The following HELQ variants were observed in gnomAD, a reference collection of about 807,000 sequenced individuals.
HELQ encodes the protein helicase POLQ-like.
A neutral mutation model predicts 111.6 loss-of-function variants in HELQ; 77 were observed. The observed-to-expected ratio is 0.69, with a 90% CI of 0.57 to 0.83. The LOEUF (loss-of-function observed/expected upper bound fraction) is 0.83. HELQ is among the 40% of genes least tolerant of loss of function. The pLI is 0.00. For missense variants in HELQ, 1,200 were observed against 1,288.5 expected, an observed-to-expected ratio of 0.93 and a Z score of 1.05; for synonymous variants, 438 against 454.7, an observed-to-expected ratio of 0.96 and a Z score of 0.47.
At chr4:83,452,653 C>T (rs867402838) in intron 2 of HELQ, among the ~76,000 whole-genome samples, 5 of 152,006 alleles carry the variant, frequency 3.3e-5, no homozygotes, top group African/African-American at 7.3e-5. Context: ...ACTAGACAAT[C>T]GGGGTCAAAA....
chr4:83,441,462 T>C (rs1720751627), intron 6 of HELQ, 59 bp from the exon 7 acceptor site: 3 of 784,994 alleles, frequency 3.8e-6, no homozygotes, highest in Non-Finnish European at 4.2e-6. Context: ...TTCCAGTGTT[T>C]TAAATATTGT....
At chr4:83,442,688 G>A (rs561251201) in intron 6 of HELQ, among the ~76,000 whole-genome samples, 3 of 152,030 alleles carry the variant, frequency 2.0e-5, no homozygotes, top group East Asian at 1.9e-4. Flanking sequence ...TGGGATTACA[G>A]GTGTGAGCCA....
chr4:83,421,047 G>A (rs922400767), intron 15 of HELQ, among the ~76,000 whole-genome samples: 1 of 152,178 alleles, frequency 6.6e-6, no homozygotes, highest in East Asian at 1.9e-4. Context: ...CTGGGCTCAA[G>A]TGATCCACCT....
At chr4:83,407,644 T>A (rs1738864899) in intron 17 of HELQ, 84 bp from the exon 18 acceptor site, 1 of 784,718 alleles carries the variant, frequency 1.3e-6, no homozygotes, top group Non-Finnish European at 2.2e-6. Context: ...ATTGAACACC[T>A]GAATCCTTAC....
At chr4:83,425,624 C>G (rs1243111711) in intron 14 of HELQ, among the ~76,000 whole-genome samples, 2 of 151,996 alleles carry the variant, frequency 1.3e-5, no homozygotes, top group African/African-American at 4.8e-5. Flanking sequence ...AAAGCAGTAA[C>G]AAAAAACCCA....
intron 17 of HELQ, 129 bp downstream of exon 17, chr4:83,416,602 A>G: frequency 1.1e-6 from 1 of 915,498 alleles, no homozygotes; most frequent in South Asian, 1.8e-5. Context: ...CACAAATAAG[A>G]GTATGTACTT....
Position 83,418,086 on chromosome 4 carries a change from T to C in HELQ, c.3063+7A>G. 2 of 1,464,348 alleles carry C rather than the reference T, an allele frequency of 1.4e-6. No homozygotes were observed. The highest frequency in any genetic ancestry group is 1.8e-5 in the Admixed American group (1 of 54,202). 90.7% of individuals were successfully genotyped at this position (1,464,348 alleles called of 1,614,324 possible). A position where few individuals can be genotyped will look rare whatever the true frequency, so the allele number is the denominator to read the frequency against. On this transcript the variant is annotated splice_region_variant and intron_variant, in intron 16 of 17. Transcript: ENST00000295488. ...AATTTCAATTGGGAAACCAACAAGC[T>C]ACTGACCTCTAAAACTCCAGTAACT...
chr4:83,426,765 C>T (rs1325263312), intron 13 of HELQ, among the ~76,000 whole-genome samples: 4 of 152,142 alleles, frequency 2.6e-5, no homozygotes, highest in East Asian at 1.9e-4. Flanking sequence ...GGGGTTTCAC[C>T]GTGTTGCCCA....
chr4:83,439,983 T>A lies in HELQ; in HGVS notation c.1688A>T (p.Asp563Val). 6.2e-7 allele frequency: 1 copy of A among 1,611,980 alleles called. No homozygotes were observed. The highest frequency in any genetic ancestry group is 1.7e-5 in the Admixed American group (1 of 59,816). The change falls in exon 8 of 18, where the codon GAT becomes GTT. Residue 563 changes from aspartate to valine, a missense_variant. Physicochemically the swap from Asp to Val is radical, Grantham distance 152. Transcript: ENST00000295488. Reference sequence around the variant, plus strand: ...CACCAATGCTACCAAGTGATCAGGATCCATCTTTTTTAGGGTATCAGAATA... The same window carrying A: ...CACCAATGCTACCAAGTGATCAGGAACCATCTTTTTTAGGGTATCAGAATA... ...YKYSDTLKKM[D>V]PDHLVALVTE...
At chr4:83,450,222 TAAAAAAAAAAAAAAAAA>T (rs71668650) in intron 2 of HELQ, among the ~76,000 whole-genome samples, 12 of 45,610 alleles carry the variant, frequency 2.6e-4, no homozygotes, top group South Asian at 1.8e-3. Flanking sequence ...CAGTTAAGTT[TAAAAAAAAAAAAAAAAA>T]AAAAAAAAAA....
chr4:83,417,540 G>C (rs1739430764), intron 16 of HELQ, among the ~76,000 whole-genome samples: 1 of 152,038 alleles, frequency 6.6e-6, no homozygotes, highest in African/African-American at 2.4e-5. Context: ...ATCTACTCAG[G>C]GGACCACTGG....
chr4:83,442,073 C>G (rs1263210858), intron 6 of HELQ, among the ~76,000 whole-genome samples: 2 of 151,924 alleles, frequency 1.3e-5, no homozygotes, highest in Admixed American at 1.3e-4. Flanking sequence ...CCAAAACTTT[C>G]TGTCTTATTA....
intron 5 of HELQ, 72 bp from the exon 6 acceptor site, chr4:83,443,686 A>AGCAAGTC: frequency 1.6e-6 from 1 of 607,472 alleles, no homozygotes; most frequent in South Asian, 2.5e-5. Context: ...AAGTAATTTT[A>AGCAAGTC]GCAAGTCTTT....
intron 2 of HELQ, among the ~76,000 whole-genome samples, chr4:83,450,131 A>T (rs1721270594): frequency 6.7e-6 from 1 of 149,764 alleles, no homozygotes; most frequent in Non-Finnish European, 1.5e-5. Flanking sequence ...TAAAGGCCGA[A>T]TGAATTATTG....
At position 83,436,907 on chromosome 4, in the gene HELQ, A is replaced by G. The variant is rs1202874170; in HGVS notation, c.1999T>C (p.Phe667Leu). Residue 667 changes from phenylalanine to leucine, a missense_variant, in exon 9 of 18, where the codon TTT (phenylalanine) becomes CTT (leucine). Coordinates refer to ENST00000295488, the MANE Select transcript of HELQ (RefSeq NM_133636.5). ...EAYSTGVLCLFTCTSTLAAGV... is the reference protein window; with the variant it reads ...EAYSTGVLCLLTCTSTLAAGV... ...GCCGCTAGGGTAGATGTGCAGGTAA[A>G]AAGACAGAGCACTCCTGTGGAGTAG... is the stretch of plus-strand genomic sequence containing the variant. 1 of 1,614,176 alleles carries G rather than the reference A, an allele frequency of 6.2e-7. No individual in the cohort carries two copies.
At chr4:83,440,882 TTAGAA>T (rs1720722898) in intron 7 of HELQ, among the ~76,000 whole-genome samples, 3 of 152,226 alleles carry the variant, frequency 2.0e-5, no homozygotes, top group Admixed American at 2.0e-4. Context: ...TTAGTAGCTG[TTAGAA>T]TAAATAATAC....
At chr4:83,428,358 A>G (rs9999842) in intron 12 of HELQ, among the ~76,000 whole-genome samples, 151,101 of 151,752 alleles carry the variant, frequency 1, 75,227 homozygotes, top group Middle Eastern at 1. Context: ...CATTAAAAAA[A>G]AGCCTCAGCC....
intron 17 of HELQ, among the ~76,000 whole-genome samples, chr4:83,410,204 G>A (rs988967255): frequency 6.6e-6 from 1 of 152,148 alleles, no homozygotes; most frequent in Non-Finnish European, 1.5e-5. Context: ...AGCTATGATG[G>A]TGCTACTGCA....
intron 8 of HELQ, among the ~76,000 whole-genome samples, chr4:83,438,411 C>G (rs1212222283): frequency 6.6e-6 from 1 of 151,970 alleles, no homozygotes; most frequent in Non-Finnish European, 1.5e-5. Flanking sequence ...AAATTATATC[C>G]AAATGTCCAT....
Sources: gnomAD v4.1 joint callset for allele counts (sites outside exome capture counted in the v4.1 genomes callset) on GRCh38, gnomAD v4.1.1 for gene constraint, MANE v1.5 for transcripts, NCBI Gene and HGNC (gene_info 2026-07-23, HGNC 2026-07-21) for gene names.